MTMR12: variants seen among roughly 807,000 people sequenced by gnomAD.
MTMR12 encodes myotubularin related protein 12, also known as myotubularin-related protein 12.
A neutral mutation model predicts 96.7 loss-of-function variants in MTMR12; 33 were observed. That is an observed-to-expected ratio of 0.34 (90% CI 0.26 to 0.46). MTMR12 has a LOEUF of 0.46. Ranked by LOEUF, MTMR12 falls within the 20% of genes least tolerant of loss-of-function variation. The pLI is 1.00. For missense variants in MTMR12, 721 were observed against 896.1 expected (o/e 0.80, Z 2.49); for synonymous variants, 298 against 327.2 (o/e 0.91, Z 0.96).
chr5:32,296,909 T>C (rs771232896), intron 1 of MTMR12, among the ~76,000 whole-genome samples: 5 of 151,888 alleles, frequency 3.3e-5, no homozygotes, highest in Non-Finnish European at 5.9e-5. Flanking sequence ...GAAACCATCC[T>C]GGCTAACATG....
Position 32,312,721 on chromosome 5 carries a change from C to CCCTGCCCGACGCCCCG in MTMR12, c.81+21_81+36dup. 6.8e-7 allele frequency: 1 copy of CCCTGCCCGACGCCCCG among 1,466,750 alleles called. No homozygotes were observed. Among genetic ancestry groups the CCCTGCCCGACGCCCCG allele is most frequent in the Non-Finnish European group, 9.0e-7 (1 of 1,109,900 alleles). 90.9% of individuals were successfully genotyped at this position (1,466,750 alleles called of 1,614,324 possible). On this transcript the variant is annotated intron_variant, in intron 1 of 15. Transcript: ENST00000382142. The surrounding 1 kb of genome is among the most constrained non-coding windows in gnomAD (Gnocchi z 5.0). ...TCCCGGCGCCCCTCGCCCCGGCCGC[C>CCCTGCCCGACGCCCCG]CCTGCCCGACGCCCCGCCTGCGCGG...
chr5:32,259,674 G>A (rs2112050292), intron 7 of MTMR12, among the ~76,000 whole-genome samples: 1 of 152,320 alleles, frequency 6.6e-6, no homozygotes, highest in African/African-American at 2.4e-5. Context: ...GCGCTGTGAA[G>A]AGGGGCAGAC....
At position 32,233,473 on chromosome 5, in the gene MTMR12, A is replaced by ACAC. The variant is rs1748084676; in HGVS notation, c.1674+299_1674+300insGTG. Among the ~76,000 whole-genome samples the ACAC allele has an allele frequency of 0.016, 943 of 59,984 alleles. 13 individuals are homozygous for ACAC. Among genetic ancestry groups the ACAC allele is most frequent in the African/African-American group, 0.039 (857 of 21,774 alleles). The allele number at this position is 59,984 out of a possible 152,430, so 39.4% of individuals were successfully genotyped here. A position where few individuals can be genotyped will look rare whatever the true frequency, so the allele number is the denominator to read the frequency against. ...CTCTACTAACACACACACACACACA[A>ACAC]ACACACACACACACACACACACACA... On this transcript the variant is annotated intron_variant, in intron 15 of 15. Transcript: ENST00000382142. The surrounding 1 kb of genome is among the most constrained non-coding windows in gnomAD (Gnocchi z 5.0).
chr5:32,282,747 T>A (rs552124744), intron 1 of MTMR12, among the ~76,000 whole-genome samples: 11 of 152,300 alleles, frequency 7.2e-5, no homozygotes, highest in Non-Finnish European at 1.3e-4. Context: ...TTCTTTGAAT[T>A]TGATTTTCAC....
At chr5:32,286,137 G>C (rs1295517517) in intron 1 of MTMR12, among the ~76,000 whole-genome samples, 1 of 152,096 alleles carries the variant, frequency 6.6e-6, no homozygotes, top group Non-Finnish European at 1.5e-5. Context: ...GCCCAAGTTC[G>C]AGACAAGCTT....
rs115440645 is a variant in MTMR12, at chr5:32,266,121, C to T, written c.583+2580G>A. Among the ~76,000 whole-genome samples the T allele has an allele frequency of 3.2e-3, 480 of 152,318 alleles. 1 individual carries two copies. Among genetic ancestry groups the T allele is most frequent in the African/African-American group, 0.011 (456 of 41,566 alleles). The stretch of plus-strand genomic sequence containing the variant: ...CTGCTAAGGCCCAGACTTTTCCCCT[C>T]GATAGTCCACCCTCCCCCAGAGGGT... On this transcript the variant is annotated intron_variant, in intron 6 of 15. Transcript: ENST00000382142.
At position 32,312,860 on chromosome 5, in the gene MTMR12, G is replaced by A; in HGVS notation, c.-22C>T. On this transcript the variant is annotated 5_prime_UTR_variant, in exon 1 of 16. Coordinates refer to ENST00000382142, the MANE Select transcript of MTMR12 (RefSeq NM_001040446.3). The surrounding 1 kb of genome is among the most constrained non-coding windows in gnomAD (Gnocchi z 5.0). ...GCATACCGCCGCCCTGGGAAGCAGC[G>A]ACGCGCGGACGCAGAGGCGGCGGCT... is the stretch of plus-strand genomic sequence containing the variant. 6.6e-7 allele frequency: 1 copy of A among 1,513,222 alleles called. No homozygotes were observed. The highest frequency in any genetic ancestry group is 8.8e-7 in the Non-Finnish European group (1 of 1,135,930). The allele number at this position is 1,513,222 out of a possible 1,614,324, so 93.7% of individuals were successfully genotyped here.
chr5:32,264,076 T>C (rs1381621525), intron 6 of MTMR12, among the ~76,000 whole-genome samples: 1 of 152,186 alleles, frequency 6.6e-6, no homozygotes, highest in Non-Finnish European at 1.5e-5. Flanking sequence ...GATCAGGGCC[T>C]GCTAGCCAAG....
chr5:32,274,581 T>C (rs772517941), intron 2 of MTMR12, among the ~76,000 whole-genome samples: 6 of 152,150 alleles, frequency 3.9e-5, no homozygotes, highest in Non-Finnish European at 5.9e-5. Context: ...CAGCTTCTAA[T>C]ACTGGAAGTG....
At position 32,229,668 on chromosome 5, in the gene MTMR12, G is replaced by T; in HGVS notation, c.*110C>A. The T allele has an allele frequency of 9.6e-7, 1 of 1,041,812 alleles. No individual in the cohort carries two copies. Among genetic ancestry groups the T allele is most frequent in the South Asian group, 2.8e-5 (1 of 35,596 alleles). The allele number at this position is 1,041,812 out of a possible 1,614,324, so 64.5% of individuals were successfully genotyped here. A position where few individuals can be genotyped will look rare whatever the true frequency, so the allele number is the denominator to read the frequency against. ...CCCGAAGGCCCAGGTTTATTCTAAC[G>T]GAGTGCCGGGCTAAGGACCCAGCCA... On this transcript the variant is annotated 3_prime_UTR_variant, in exon 16 of 16. Coordinates refer to ENST00000382142, the MANE Select transcript of MTMR12 (RefSeq NM_001040446.3).
At chr5:32,235,631 C>G (rs983448514) in intron 13 of MTMR12, among the ~76,000 whole-genome samples, 2 of 152,188 alleles carry the variant, frequency 1.3e-5, no homozygotes, top group Admixed American at 6.5e-5. Flanking sequence ...TGGAGACCAA[C>G]GTGGAAGGAG....
intron 10 of MTMR12, among the ~76,000 whole-genome samples, chr5:32,247,445 G>A (rs1379832322): frequency 6.6e-6 from 1 of 152,194 alleles, no homozygotes; most frequent in African/African-American, 2.4e-5. Flanking sequence ...ATCAATGAGT[G>A]ACTGAGCAGT....
In MTMR12 at chr5:32,273,955, T is replaced by C; in HGVS notation, c.285+25A>G. Reference sequence around the variant, plus strand: ...CACAACCACACTGTTGCCCACAAACTCTGCCAAATGCAGCCCATACATACA... The same window carrying C: ...CACAACCACACTGTTGCCCACAAACCCTGCCAAATGCAGCCCATACATACA... On this transcript the variant is annotated intron_variant, in intron 3 of 15. Coordinates refer to ENST00000382142, the MANE Select transcript of MTMR12 (RefSeq NM_001040446.3). 1.9e-6 allele frequency: 3 copies of C among 1,613,116 alleles called. No individual in the cohort carries two copies. The East Asian group carries it at 6.7e-5, about 36-fold the overall frequency.
At chr5:32,239,406 C>T (rs901829922) in intron 12 of MTMR12, among the ~76,000 whole-genome samples, 5 of 152,220 alleles carry the variant, frequency 3.3e-5, no homozygotes, top group African/African-American at 1.2e-4. Flanking sequence ...TACGCTGGTA[C>T]TAAATGTGGA....
chr5:32,251,638 C>T (rs1045779561), intron 8 of MTMR12, among the ~76,000 whole-genome samples: 2 of 152,198 alleles, frequency 1.3e-5, no homozygotes, highest in Admixed American at 6.5e-5. Flanking sequence ...AAGAACAAGA[C>T]AGCCGCTTGA....
chr5:32,299,636 G>A (rs1284658136), intron 1 of MTMR12, among the ~76,000 whole-genome samples: 1 of 152,178 alleles, frequency 6.6e-6, no homozygotes, highest in Non-Finnish European at 1.5e-5. Flanking sequence ...CAGATGAGAG[G>A]TGCCCACAGG....
intron 6 of MTMR12, among the ~76,000 whole-genome samples, chr5:32,267,742 A>C (rs1749658600): frequency 6.6e-6 from 1 of 152,246 alleles, no homozygotes; most frequent in Admixed American, 6.5e-5. Flanking sequence ...ATTTAAACAG[A>C]AAAACCCAGG....
At chr5:32,309,245 T>C (rs1267423668) in intron 1 of MTMR12, among the ~76,000 whole-genome samples, 1 of 152,206 alleles carries the variant, frequency 6.6e-6, no homozygotes, top group Non-Finnish European at 1.5e-5. Context: ...TTTCCACTTG[T>C]AGTTTAATTT....
At chr5:32,268,523 A>G (rs77482557) in intron 6 of MTMR12, among the ~76,000 whole-genome samples, 178 bp downstream of exon 6, 1 of 151,960 alleles carries the variant, frequency 6.6e-6, no homozygotes, top group Admixed American at 6.6e-5. Flanking sequence ...AAAAAAAAAA[A>G]AGATCACAGG....
Sources: gnomAD v4.1 joint callset for allele counts (sites outside exome capture counted in the v4.1 genomes callset) on GRCh38, gnomAD v4.1.1 for gene constraint, Gnocchi (gnomAD v3.1) non-coding constraint, MANE v1.5 for transcripts, NCBI Gene and HGNC (gene_info 2026-07-23, HGNC 2026-07-21) for gene names.